The following TRPV3 variants were observed in gnomAD, a reference collection of about 807,000 sequenced individuals.
TRPV3 encodes VRL-3.
A neutral mutation model predicts 87.1 loss-of-function variants in TRPV3; 88 were observed. The ratio of observed to expected loss-of-function variants is 1.01; its 90% CI spans 0.85 to 1.21. The LOEUF (loss-of-function observed/expected upper bound fraction) is 1.21, where lower values mean the gene tolerates loss of function less well. TRPV3 is among the 50% of genes most tolerant of loss of function. The pLI is 0.00. For synonymous variants in TRPV3, 438 were observed against 423.3 expected, an observed-to-expected ratio of 1.03 and a Z score of -0.43; for missense variants, 1,054 against 1,030.1, an observed-to-expected ratio of 1.02 and a Z score of -0.32.
chr17:3,547,562 A>C (rs2074538206), intron 2 of TRPV3, among the ~76,000 whole-genome samples: 1 of 152,226 alleles, frequency 6.6e-6, no homozygotes, highest in Non-Finnish European at 1.5e-5. Flanking sequence ...TGGAGGTTGC[A>C]GTGAGCCAAG....
intron 6 of TRPV3, among the ~76,000 whole-genome samples, chr17:3,539,167 A>C (rs904831998): frequency 6.6e-6 from 1 of 152,294 alleles, no homozygotes; most frequent in South Asian, 2.1e-4. Context: ...AATCAAAAAA[A>C]CCAACTTGTA....
intron 14 of TRPV3, 81 bp downstream of exon 14, chr17:3,520,892 G>T: frequency 1.1e-6 from 1 of 916,002 alleles, no homozygotes; most frequent in Non-Finnish European, 1.7e-6. Flanking sequence ...TGTTGCCAAG[G>T]CCGCCATGCA....
chr17:3,518,757 A>G lies in TRPV3; in HGVS notation c.1904T>C (p.Leu635Pro). The part of the protein sequence containing the change: ...FSDAVLELFK[L>P]TIGLGDLNIQ... ...GTTCAGGTCACCCAGGCCTATGGTG[A>G]GCTTGAAGAGTTCCAGCACTGCGTC... Residue 635 changes from leucine (L) to proline (P), a missense_variant, in exon 15 of 18, where the codon CTC becomes CCC. Transcript: ENST00000576742. The surrounding 1 kb of genome is among the most constrained non-coding windows in gnomAD (Gnocchi z 4.3). 1.2e-6 allele frequency: 2 copies of G among 1,614,010 alleles called. No individual in the cohort carries two copies. Among genetic ancestry groups the G allele is most frequent in the Non-Finnish European group, 1.7e-6 (2 of 1,179,968 alleles).
chr17:3,535,150 T>A (rs536864922), intron 7 of TRPV3, among the ~76,000 whole-genome samples: 4 of 143,148 alleles, frequency 2.8e-5, no homozygotes, highest in Non-Finnish European at 3.1e-5. Flanking sequence ...CCCTCCTTCC[T>A]TCCTTTCTCT....
chr17:3,554,891 G>A (rs753531106), intron 1 of TRPV3, 39 bp from the exon 2 acceptor site: 2 of 1,452,766 alleles, frequency 1.4e-6, no homozygotes, highest in Non-Finnish European at 1.9e-6. Flanking sequence ...AGGCCGGGGG[G>A]ACAGGGGGAG....
chr17:3,530,904 A>C lies in TRPV3; in HGVS notation c.1066-701T>G, dbSNP rs1217830128. ...AATCCTGTCTCTACTAAAAATACAA[A>C]AATTAGCTGGGTGTGGTGGCAGGCG... On this transcript the variant is annotated intron_variant, in intron 8 of 17. Coordinates refer to ENST00000576742, the MANE Select transcript of TRPV3 (RefSeq NM_145068.4). This position sits in a 1 kb window ranked among gnomAD's most constrained non-coding sequence, Gnocchi z 4.0. 3.1e-4 allele frequency among the ~76,000 whole-genome samples: 47 copies of C among 151,916 alleles called. 1 individual carries two copies. Among genetic ancestry groups the C allele is most frequent in the Admixed American group, 3.1e-3 (47 of 15,256 alleles).
chr17:3,526,501 C>T (rs1029866157), intron 12 of TRPV3, among the ~76,000 whole-genome samples: 1 of 150,444 alleles, frequency 6.6e-6, no homozygotes, highest in African/African-American at 2.5e-5. Flanking sequence ...AAAACAACAA[C>T]GTAAACAGGA....
At position 3,556,907 on chromosome 17, in the gene TRPV3, G is replaced by A. The variant is rs572506820; in HGVS notation, c.-3+769C>T. 2.0e-5 allele frequency among the ~76,000 whole-genome samples: 3 copies of A among 152,292 alleles called. No homozygotes were observed. The highest frequency in any genetic ancestry group is 2.9e-5 in the Non-Finnish European group (2 of 68,006). On this transcript the variant is annotated intron_variant, in intron 1 of 17. Transcript: ENST00000576742. The surrounding 1 kb of genome is among the most constrained non-coding windows in gnomAD (Gnocchi z 4.2). ...CGTGAAGGAGACAGAAGAAGGGCAC[G>A]TCTCTTGCCCCTCCCAGGGCCTCTG...
chr17:3,530,072 C>T lies in TRPV3; in HGVS notation c.1197G>A (p.Thr399=), dbSNP rs768743206. The T allele has an allele frequency of 2.0e-5, 32 of 1,613,840 alleles. No homozygotes were observed. Among genetic ancestry groups the T allele is most frequent in the East Asian group, 4.5e-5 (2 of 44,884 alleles). ...LYDLTNVDTT[T]DNSVLEITVY... ...CAGTGATTTCCAGCACTGAGTTGTC[C>T]GTGGTGGTGTCCACGTTGGTGAGGT... Residue 399 remains threonine, a synonymous_variant, in exon 9 of 18, where the codon ACG becomes ACA. Transcript: ENST00000576742. This position sits in a 1 kb window ranked among gnomAD's most constrained non-coding sequence, Gnocchi z 4.0.
In TRPV3 at chr17:3,514,334, C is replaced by T. The variant is rs2074153295; in HGVS notation, c.2278+259G>A. The T allele has an allele frequency of 5.6e-6, 3 of 532,830 alleles. No individual in the cohort carries two copies. In the Admixed American group the frequency reaches 9.9e-5, roughly 18 times the overall value. The allele number at this position is 532,830 out of a possible 1,614,324, so 33.0% of individuals were successfully genotyped here. On this transcript the variant is annotated intron_variant, in intron 17 of 17. Transcript: ENST00000576742. ...CCTCAGGTGATTCACCCGACTCGTC[C>T]TCCCAAAGTGCTGGGATTACAGGCA...
rs1451263880 is a variant in TRPV3, at chr17:3,512,865, C to T, written c.*1052G>A. On this transcript the variant is annotated 3_prime_UTR_variant, in exon 18 of 18. Coordinates refer to ENST00000576742, the MANE Select transcript of TRPV3 (RefSeq NM_145068.4). ...AGCAGTTGAGGCATTTTGTTAAATT[C>T]CCCCACTGAGACATACTGAGGTATG... 1 of 152,128 alleles carries T rather than the reference C, an allele frequency of 6.6e-6. No homozygotes were observed. Among genetic ancestry groups the T allele is most frequent in the Admixed American group, 6.5e-5 (1 of 15,270 alleles). The allele number at this position is 152,128 out of a possible 1,614,324, so 9.4% of individuals were successfully genotyped here. A position where few individuals can be genotyped will look rare whatever the true frequency, so the allele number is the denominator to read the frequency against.
intron 11 of TRPV3, among the ~76,000 whole-genome samples, chr17:3,527,485 T>C (rs1731562301): frequency 6.6e-6 from 1 of 152,128 alleles, no homozygotes; most frequent in African/African-American, 2.4e-5. Flanking sequence ...CCAACCAGGC[T>C]GTGAATTCAA....
Position 3,535,565 on chromosome 17 carries a change from GCACC to G in TRPV3, c.784+4_784+7del. On this transcript the variant is annotated splice_donor_5th_base_variant and intron_variant, in intron 7 of 17. Transcript: ENST00000576742. Reference sequence around the variant, plus strand: ...CCAGACTCCGCACCGGGCGGGGGCGGCACCCACCGAAGTAGAAGCCTTCGTGTTG... The same window carrying G: ...CCAGACTCCGCACCGGGCGGGGGCGGCACCGAAGTAGAAGCCTTCGTGTTG... 6.3e-7 allele frequency: 1 copy of G among 1,585,514 alleles called. No homozygotes were observed. The highest frequency in any genetic ancestry group is 8.6e-7 in the Non-Finnish European group (1 of 1,166,418).
chr17:3,517,800 A>C (rs1207327800), intron 15 of TRPV3, among the ~76,000 whole-genome samples: 1 of 135,028 alleles, frequency 7.4e-6, no homozygotes, highest in African/African-American at 2.7e-5. Flanking sequence ...CCTTTTTCCA[A>C]TGAGCATTTC....
chr17:3,532,041 C>A (rs1414036788), intron 8 of TRPV3, among the ~76,000 whole-genome samples: 2 of 152,218 alleles, frequency 1.3e-5, no homozygotes, highest in Admixed American at 6.5e-5. Flanking sequence ...CAGAATCAGT[C>A]CCCTGAGAAG....
rs2074118146 is a variant in TRPV3 at position 3,511,875 on chromosome 17, C to A, written c.*2042G>T. The stretch of plus-strand genomic sequence containing the variant: ...TTCTCCATTAATATCTGAGTCAAAG[C>A]AATTCTGGAATTCCCAGCTCCATAG... On this transcript the variant is annotated 3_prime_UTR_variant, in exon 18 of 18. Transcript: ENST00000576742. The A allele has an allele frequency of 1.3e-5, 2 of 152,170 alleles. No individual in the cohort carries two copies. The highest frequency in any genetic ancestry group is 4.8e-5 in the African/African-American group (2 of 41,436). The allele number at this position is 152,170 out of a possible 1,614,324, so 9.4% of individuals were successfully genotyped here. A position where few individuals can be genotyped will look rare whatever the true frequency, so the allele number is the denominator to read the frequency against.
chr17:3,546,519 T>G, intron 2 of TRPV3: 1 of 376,706 alleles, frequency 2.7e-6, no homozygotes, highest in Non-Finnish European at 5.4e-6. Context: ...TGGGGTCGGG[T>G]GAGGGAGGAC....
intron 5 of TRPV3, 102 bp from the exon 6 acceptor site, chr17:3,542,800 T>C (rs2074480289): frequency 8.0e-7 from 1 of 1,249,382 alleles, no homozygotes; most frequent in Non-Finnish European, 1.1e-6. Flanking sequence ...CCCAAGCCCC[T>C]GCTCCACATC....
Position 3,511,633 on chromosome 17 carries a change from C to A in TRPV3, c.*2284G>T, listed in dbSNP as rs2074115423. ...ATATCCAATACAGAAAATGGTCTTG[C>A]CAACAAATTCCATCCAGACCCACAG... On this transcript the variant is annotated 3_prime_UTR_variant, in exon 18 of 18. Transcript: ENST00000576742. 6.6e-6 allele frequency: 1 copy of A among 152,164 alleles called. No homozygotes were observed. The highest frequency in any genetic ancestry group is 2.4e-5 in the African/African-American group (1 of 41,410). The allele number at this position is 152,164 out of a possible 1,614,324, so 9.4% of individuals were successfully genotyped here.
Sources: gnomAD v4.1 joint callset for allele counts (sites outside exome capture counted in the v4.1 genomes callset) on GRCh38, gnomAD v4.1.1 for gene constraint, Gnocchi (gnomAD v3.1) non-coding constraint, MANE v1.5 for transcripts, NCBI Gene and HGNC (gene_info 2026-07-23, HGNC 2026-07-21) for gene names.